The following EZR variants were observed in gnomAD, a reference collection of about 807,000 sequenced individuals.
EZR encodes the protein cytovillin 2.
Under a neutral mutation model 74.8 loss-of-function variants are expected in EZR, and 40 were observed. The ratio of observed to expected loss-of-function variants is 0.53; its 90% CI spans 0.42 to 0.70. EZR has a LOEUF of 0.70. Among genes scored for constraint, EZR ranks in the 30% least tolerant of loss-of-function variants. The pLI is 0.00. For missense variants in EZR, 678 were observed against 755.8 expected (o/e 0.90, Z 1.21); for synonymous variants, 341 against 283.3 (o/e 1.20, Z -2.05).
At chr6:158,803,291 A>C (rs1483838717) in intron 2 of EZR, among the ~76,000 whole-genome samples, 1 of 151,598 alleles carries the variant, frequency 6.6e-6, no homozygotes, top group African/African-American at 2.4e-5. Context: ...TATAACTGGT[A>C]GAGTGACTCC....
At chr6:158,818,993 G>A (rs1356665471) in intron 1 of EZR, among the ~76,000 whole-genome samples, 1 of 152,152 alleles carries the variant, frequency 6.6e-6, no homozygotes, top group African/African-American at 2.4e-5. Flanking sequence ...GTTGCCCCGC[G>A]GCTGCAGTCA....
chr6:158,782,714 G>GGTA (rs1450910718), intron 7 of EZR, among the ~76,000 whole-genome samples: 1 of 152,220 alleles, frequency 6.6e-6, no homozygotes, highest in African/African-American at 2.4e-5. Flanking sequence ...GGGCAGAGAC[G>GGTA]GTAGTCAGGA....
intron 7 of EZR, among the ~76,000 whole-genome samples, chr6:158,781,492 G>A (rs983160130): frequency 2.6e-5 from 4 of 152,196 alleles, no homozygotes; most frequent in Admixed American, 1.3e-4. Flanking sequence ...GGACACTTAC[G>A]TGGGCTGGGG....
At chr6:158,803,636 CATAT>C (rs778538326) in intron 2 of EZR, among the ~76,000 whole-genome samples, 3,311 of 36,250 alleles carry the variant, frequency 0.091, 232 homozygotes, top group South Asian at 0.15. Context: ...CATATACATA[CATAT>C]ATATATATAT....
chr6:158,770,982 A>G, intron 9 of EZR, 88 bp from the exon 10 acceptor site: 1 of 1,586,754 alleles, frequency 6.3e-7, no homozygotes, highest in African/African-American at 1.3e-5. Context: ...TTGAAGCTCC[A>G]GGATGGACTT....
chr6:158,797,731 T>G (rs1777103585), intron 2 of EZR, among the ~76,000 whole-genome samples: 1 of 152,248 alleles, frequency 6.6e-6, no homozygotes, highest in African/African-American at 2.4e-5. Flanking sequence ...TTAAAAACTT[T>G]GCAGCTATTT....
chr6:158,789,306 T>G lies in EZR; in HGVS notation c.78A>C (p.Gly26=). 1 of 1,614,140 alleles carries G rather than the reference T, an allele frequency of 6.2e-7. No individual in the cohort carries two copies. Among genetic ancestry groups the G allele is most frequent in the Non-Finnish European group, 8.5e-7 (1 of 1,179,974 alleles). The change falls in exon 3 of 14, where the codon GGA becomes GGC. Residue 26 remains glycine, a synonymous_variant. Coordinates refer to ENST00000367075, the MANE Select transcript of EZR (RefSeq NM_001111077.2). ...GACCAACCTGATCAAAAAGCTGTTT[T>G]CCAGTTGTATTTGGCTGGATTGCAA... The part of the protein sequence containing the change: ...LEFAIQPNTT[G]KQLFDQVVKT...
At chr6:158,789,242 AGTTT>A (rs1562498409) in intron 3 of EZR, 42 bp downstream of exon 3, 1 of 1,432,890 alleles carries the variant, frequency 7.0e-7, no homozygotes, top group Non-Finnish European at 9.7e-7. Flanking sequence ...GTTGCAAAAC[AGTTT>A]TTTTTTGTAG....
rs1039271296 is a variant in EZR at position 158,766,564 on chromosome 6, C to G, written c.*350G>C. 4.5e-6 allele frequency: 1 copy of G among 222,652 alleles called. No individual in the cohort carries two copies. The highest frequency in any genetic ancestry group is 5.5e-5 in the Admixed American group (1 of 18,088). The allele number at this position is 222,652 out of a possible 1,614,324, so 13.8% of individuals were successfully genotyped here. A position where few individuals can be genotyped will look rare whatever the true frequency, so the allele number is the denominator to read the frequency against. On this transcript the variant is annotated 3_prime_UTR_variant, in exon 14 of 14. Coordinates refer to ENST00000367075, the MANE Select transcript of EZR (RefSeq NM_001111077.2). ...TATGGCACAGATGGAAGTCCTGCCA[C>G]GTTTCCTTTAATGATGCTGACTCTT...
intron 2 of EZR, among the ~76,000 whole-genome samples, chr6:158,812,821 A>C (rs1362021621): frequency 6.6e-6 from 1 of 152,110 alleles, no homozygotes; most frequent in Non-Finnish European, 1.5e-5. Flanking sequence ...GCCAGAAACG[A>C]GAAGTCAGCC....
intron 2 of EZR, among the ~76,000 whole-genome samples, chr6:158,795,037 T>C (rs1468901937): frequency 6.6e-6 from 1 of 151,582 alleles, no homozygotes; most frequent in African/African-American, 2.4e-5. Context: ...GATCACTTGA[T>C]GTCAGGAGTT....
In EZR at chr6:158,785,410, G is replaced by A. The variant is rs35947532; in HGVS notation, c.366C>T (p.Ala122=). The A allele has an allele frequency of 1.3e-3, 2,075 of 1,614,208 alleles. 25 individuals are homozygous for A. In the African/African-American group the frequency reaches 0.019, roughly 15 times the overall value. ...GCACAGCGTAGGACCCCAAGAGCAC[G>A]GCAGTCTCAGGGGGGCAGTAGATCT... ...SDEIYCPPET[A]VLLGSYAVQA... is the part of the protein sequence containing the mutation. The change falls in exon 5 of 14, where the codon GCC becomes GCT. Residue 122 remains alanine (A), a synonymous_variant. Transcript: ENST00000367075.
At chr6:158,801,415 C>T (rs3123125) in intron 2 of EZR, among the ~76,000 whole-genome samples, 17,105 of 152,134 alleles carry the variant, frequency 0.11, 989 homozygotes, top group Middle Eastern at 0.15. Context: ...GCTTGTCTAT[C>T]GGGCTCAGGA....
intron 2 of EZR, among the ~76,000 whole-genome samples, chr6:158,814,895 G>T (rs1777522581): frequency 6.6e-6 from 1 of 152,110 alleles, no homozygotes; most frequent in African/African-American, 2.4e-5. Context: ...GAAAACACAG[G>T]AAATGAGTAT....
intron 6 of EZR, 49 bp downstream of exon 6, chr6:158,784,595 T>C (rs775467165): frequency 6.6e-6 from 10 of 1,506,854 alleles, no homozygotes; most frequent in Non-Finnish European, 9.2e-6. Flanking sequence ...AAAGACATGC[T>C]GGAGCGCACG....
chr6:158,797,960 T>A (rs1172285177), intron 2 of EZR, among the ~76,000 whole-genome samples: 1 of 152,210 alleles, frequency 6.6e-6, no homozygotes, highest in African/African-American at 2.4e-5. Context: ...AGAAACTCCA[T>A]GGCCACTGGC....
At chr6:158,818,297 C>G (rs1777608180) in intron 1 of EZR, 131 bp from the exon 2 acceptor site, 2 of 346,170 alleles carry the variant, frequency 5.8e-6, no homozygotes, top group Non-Finnish European at 1.0e-5. Flanking sequence ...AGTCAGCGCC[C>G]CGCCCAGCAC....
At chr6:158,809,088 C>T (rs958369898) in intron 2 of EZR, among the ~76,000 whole-genome samples, 11 of 152,312 alleles carry the variant, frequency 7.2e-5, no homozygotes, top group Middle Eastern at 3.4e-3. Context: ...CAGAGCAAGA[C>T]CGCATCTCAA....
At chr6:158,813,092 A>G (rs1252111585) in intron 2 of EZR, among the ~76,000 whole-genome samples, 1 of 152,140 alleles carries the variant, frequency 6.6e-6, no homozygotes, top group Admixed American at 6.5e-5. Flanking sequence ...TTAAACTAAA[A>G]AACACCCAAG....
Sources: gnomAD v4.1 joint callset for allele counts (sites outside exome capture counted in the v4.1 genomes callset) on GRCh38, gnomAD v4.1.1 for gene constraint, MANE v1.5 for transcripts, NCBI Gene and HGNC (gene_info 2026-07-23, HGNC 2026-07-21) for gene names.